Variants in PTPRD observed in about 807,000 individuals in gnomAD.
The protein encoded by PTPRD is protein tyrosine phosphatase receptor type D.
PTPRD carries 34 observed loss-of-function variants against 214.5 expected under a neutral mutation model. That is an observed-to-expected ratio of 0.16 (90% confidence interval 0.12 to 0.21). PTPRD has a LOEUF of 0.21. Ranked by LOEUF, PTPRD falls within the 10% of genes least tolerant of loss-of-function variation. The probability of loss-of-function intolerance (pLI) is 1.00; values close to 1 mark genes in which losing one functional copy is unlikely to be tolerated. For missense variants in PTPRD, 2,545 were observed against 2,398.7 expected (o/e 1.06, Z -1.27); for synonymous variants, 1,128 against 845.7 (o/e 1.33, Z -5.79).
At chr9:9,066,624 T>C (rs1009374988) in intron 10 of PTPRD, among the ~76,000 whole-genome samples, 2 of 152,118 alleles carry the variant, frequency 1.3e-5, no homozygotes, top group Non-Finnish European at 2.9e-5. Flanking sequence ...TCTGGGTTCT[T>C]GAGTGGACCC....
At chr9:8,437,772 A>G (rs2095410615) in intron 34 of PTPRD, among the ~76,000 whole-genome samples, 3 of 152,190 alleles carry the variant, frequency 2.0e-5, no homozygotes, top group Non-Finnish European at 2.9e-5. Context: ...AGAAAGAAGG[A>G]AAGCAGAGAT....
At position 8,709,564 on chromosome 9, in the gene PTPRD, G is replaced by A. The variant is rs781418012; in HGVS notation, c.64+24216C>T. Among the ~76,000 whole-genome samples, 128 of 147,722 alleles carry A rather than the reference G, an allele frequency of 8.7e-4. 1 individual carries two copies. The Middle Eastern group carries it at 0.01, about 12-fold the overall frequency. On this transcript the variant is annotated intron_variant, in intron 12 of 45. Transcript: ENST00000381196. ...AAAAAGAAAAAGAAAAATGCTAACA[G>A]AATGGATGTAAAGTGTTCTCATAAC... is the stretch of plus-strand genomic sequence containing the variant.
chr9:9,957,979 G>T (rs946827444), intron 4 of PTPRD, among the ~76,000 whole-genome samples: 1 of 152,078 alleles, frequency 6.6e-6, no homozygotes, highest in East Asian at 1.9e-4. Context: ...ATGGGGAAAA[G>T]GTATCTTTCA....
intron 6 of PTPRD, among the ~76,000 whole-genome samples, chr9:9,741,290 G>C (rs905936300): frequency 6.6e-5 from 10 of 152,090 alleles, no homozygotes; most frequent in Admixed American, 2.0e-4. Flanking sequence ...AAACATGGGA[G>C]AAAAGAAGGA....
At chr9:9,567,688 G>T (rs1205374115) in intron 8 of PTPRD, among the ~76,000 whole-genome samples, 1 of 151,948 alleles carries the variant, frequency 6.6e-6, no homozygotes, top group African/African-American at 2.4e-5. Context: ...CTCCTTTTCT[G>T]CTTCTTAAGG....
chr9:10,119,429 A>G lies in PTPRD; in HGVS notation c.-544-85639T>C, dbSNP rs537160881. Among the ~76,000 whole-genome samples, 12 of 152,152 alleles carry G rather than the reference A, an allele frequency of 7.9e-5. No individual in the cohort carries two copies. In the South Asian group the frequency reaches 2.3e-3, roughly 29 times the overall value. On this transcript the variant is annotated intron_variant, in intron 3 of 45. Transcript: ENST00000381196. ...GATATCATGCATTCTAGAGTGTAGTACATCTGACTTCTAATTTAGTACATG... is the reference window on the plus strand; with the variant it reads ...GATATCATGCATTCTAGAGTGTAGTGCATCTGACTTCTAATTTAGTACATG...
At chr9:10,117,612 GTT>G (rs35593505) in intron 3 of PTPRD, among the ~76,000 whole-genome samples, 11,402 of 144,628 alleles carry the variant, frequency 0.079, 804 homozygotes, top group African/African-American at 0.19. Flanking sequence ...AAATCTCCCC[GTT>G]TTTTTTTTTT....
chr9:8,572,423 G>A (rs1219503066), intron 14 of PTPRD, among the ~76,000 whole-genome samples: 2 of 151,942 alleles, frequency 1.3e-5, no homozygotes, highest in Non-Finnish European at 2.9e-5. Flanking sequence ...TTTCTGACCT[G>A]AGTCCACAGG....
At chr9:9,652,870 T>G (rs2096400915) in intron 7 of PTPRD, among the ~76,000 whole-genome samples, 1 of 152,088 alleles carries the variant, frequency 6.6e-6, no homozygotes. Flanking sequence ...TGCCTCAGCC[T>G]TTGAAAGTGC....
At chr9:9,280,783 A>G (rs1408359855) in intron 9 of PTPRD, among the ~76,000 whole-genome samples, 1 of 151,302 alleles carries the variant, frequency 6.6e-6, no homozygotes. Context: ...AACTGATTGT[A>G]AAGTTTATAT....
At chr9:9,085,086 T>A (rs1420479464) in intron 10 of PTPRD, among the ~76,000 whole-genome samples, 3 of 152,150 alleles carry the variant, frequency 2.0e-5, no homozygotes, top group African/African-American at 7.2e-5. Flanking sequence ...CATTATTTCA[T>A]TACAAAACAA....
intron 45 of PTPRD, 123 bp from the exon 46 acceptor site, chr9:8,318,065 G>A (rs759636055): frequency 6.3e-5 from 51 of 814,910 alleles, no homozygotes; most frequent in Middle Eastern, 3.3e-4. Context: ...CACTACTTTC[G>A]TCAACTGGTC....
At chr9:9,528,616 A>C (rs1365504024) in intron 8 of PTPRD, among the ~76,000 whole-genome samples, 1 of 152,164 alleles carries the variant, frequency 6.6e-6, no homozygotes, top group African/African-American at 2.4e-5. Flanking sequence ...AAAGGATAAA[A>C]AGAACCACGA....
At chr9:10,503,759 G>C (rs1466544761) in intron 2 of PTPRD, among the ~76,000 whole-genome samples, 5 of 151,930 alleles carry the variant, frequency 3.3e-5, no homozygotes, top group African/African-American at 7.3e-5. Context: ...TGCTAGGAAG[G>C]AAAATAAAGC....
At chr9:8,761,205 C>A (rs1175081069) in intron 11 of PTPRD, among the ~76,000 whole-genome samples, 3 of 152,038 alleles carry the variant, frequency 2.0e-5, no homozygotes, top group Non-Finnish European at 4.4e-5. Context: ...GTTGTCCTTG[C>A]ATCCTAATAA....
chr9:9,626,766 A>C (rs1353915004), intron 7 of PTPRD, among the ~76,000 whole-genome samples: 1 of 152,170 alleles, frequency 6.6e-6, no homozygotes, highest in Non-Finnish European at 1.5e-5. Context: ...TTCAGAGGTA[A>C]AATGAAATGG....
chr9:8,600,002 G>A (rs984654619), intron 14 of PTPRD, among the ~76,000 whole-genome samples: 10 of 152,168 alleles, frequency 6.6e-5, no homozygotes, highest in African/African-American at 2.4e-4. Context: ...AAGAGGCACT[G>A]AAGAAGGTAG....
chr9:9,232,931 A>T (rs2099964030), intron 9 of PTPRD, among the ~76,000 whole-genome samples: 1 of 152,076 alleles, frequency 6.6e-6, no homozygotes, highest in South Asian at 2.1e-4. Flanking sequence ...AACCTAGAAA[A>T]ATACTACTCT....
At chr9:8,573,504 C>A (rs2091679552) in intron 14 of PTPRD, among the ~76,000 whole-genome samples, 1 of 151,858 alleles carries the variant, frequency 6.6e-6, no homozygotes, top group Admixed American at 6.6e-5. Context: ...CACTCTGGGT[C>A]AATGGCAATC....
Sources: allele counts gnomAD v4.1 joint callset (sites outside exome capture counted in the v4.1 genomes callset), GRCh38; gene constraint gnomAD v4.1.1; transcripts MANE v1.5; gene names NCBI Gene and HGNC (gene_info 2026-07-23, HGNC 2026-07-21).